Variants in SH3BP1 observed in about 807,000 individuals in gnomAD.
The protein encoded by SH3BP1 is SH3 domain binding protein 1, also known as SH3 domain-binding protein 1.
A neutral mutation model predicts 69.8 loss-of-function variants in SH3BP1; 46 were observed. The ratio of observed to expected loss-of-function variants is 0.66; its 90% confidence interval spans 0.52 to 0.84. The LOEUF (loss-of-function observed/expected upper bound fraction) is 0.84. Ranked by LOEUF, SH3BP1 falls within the 40% of genes least tolerant of loss-of-function variation. The pLI, the probability that SH3BP1 is intolerant of heterozygous loss-of-function variation, is 0.00. For missense variants in SH3BP1, 868 were observed against 930.9 expected (o/e 0.93, Z 0.88); for synonymous variants, 403 against 378.0 (o/e 1.07, Z -0.77).
Position 37,650,610 on chromosome 22 carries a change from G to A in SH3BP1, c.1483G>A (p.Ala495Thr), listed in dbSNP as rs1932859381. The change falls in exon 16 of 18, where the codon GCC becomes ACC. Residue 495 changes from alanine to threonine, a missense_variant. Ala to Thr is a moderately conservative substitution (Grantham distance 58). This residue lies in a region of SH3BP1 where 474 missense variants were observed against 462.3 expected (regional missense o/e 1.03). Coordinates refer to ENST00000649765, the MANE Select transcript of SH3BP1 (RefSeq NM_018957.6). The stretch of plus-strand genomic sequence containing the variant: ...CCAGGACACAGTCAGTGACAGGCTG[G>A]CCTCTGAGGAACTTCCGTCCACTGC... ...TLQDTVSDRLASEELPSTAVP... is the reference protein window; with the variant it reads ...TLQDTVSDRLTSEELPSTAVP... 6.2e-7 allele frequency: 1 copy of A among 1,613,882 alleles called. No homozygotes were observed. The highest frequency in any genetic ancestry group is 1.3e-5 in the African/African-American group (1 of 74,928).
chr22:37,643,478 A>G lies in SH3BP1; in HGVS notation c.474-166A>G, dbSNP rs542810726. 3.5e-3 allele frequency: 3,390 copies of G among 965,590 alleles called. 15 individuals carry two copies. Among genetic ancestry groups the G allele is most frequent in the Non-Finnish European group, 4.4e-3 (2,898 of 652,866 alleles). The allele number at this position is 965,590 out of a possible 1,614,324, so 59.8% of individuals were successfully genotyped here. On this transcript the variant is annotated intron_variant, in intron 6 of 17. Coordinates refer to ENST00000649765, the MANE Select transcript of SH3BP1 (RefSeq NM_018957.6). ...TCACCAAATCTGCCACCAGGGGGCA[A>G]CCCAGAGCACTCATGGCCCAGCCTG...
intron 14 of SH3BP1, chr22:37,649,851 T>G: frequency 2.0e-6 from 1 of 502,720 alleles, no homozygotes; most frequent in South Asian, 2.0e-5. Context: ...CATCATTATT[T>G]ACCTGGCCAC....
At chr22:37,645,591 G>A (rs1166722735) in intron 10 of SH3BP1, 81 bp downstream of exon 10, 2 of 1,495,900 alleles carry the variant, frequency 1.3e-6, no homozygotes, top group South Asian at 2.5e-5. Flanking sequence ...GCCCTTTCCG[G>A]GTGCCTGTAA....
chr22:37,645,154 G>A (rs1198053652), intron 9 of SH3BP1, 194 bp downstream of exon 9: 2 of 823,714 alleles, frequency 2.4e-6, no homozygotes, highest in Non-Finnish European at 3.8e-6. Flanking sequence ...CTAGAGCCAG[G>A]CCTGTGAGGC....
intron 6 of SH3BP1, 67 bp downstream of exon 6, chr22:37,643,241 G>A: frequency 1.4e-6 from 2 of 1,395,194 alleles, no homozygotes; most frequent in African/African-American, 1.4e-5. Flanking sequence ...ATAGAGCTTT[G>A]AGGCCCTGGC....
intron 14 of SH3BP1, chr22:37,649,815 G>A (rs1932844953): frequency 7.8e-6 from 3 of 382,524 alleles, no homozygotes; most frequent in Non-Finnish European, 9.9e-6. Context: ...AAATTAAAGT[G>A]TAAAGTGCAG....
Position 37,650,245 on chromosome 22 carries a change from T to C in SH3BP1, c.1410T>C (p.Pro470=). Residue 470 remains proline (P), a synonymous_variant, in exon 15 of 18, where the codon CCT becomes CCC. Transcript: ENST00000649765. ...TCCAGAGCGCAGACACCCTCTTCCC[T>C]GGAGGTGAAGCTCCTGCCTGCATGG... The part of the protein sequence containing the change: ...ALIQSADTLF[P]GDINFNVSGL... The C allele has an allele frequency of 6.2e-7, 1 of 1,606,062 alleles. No individual in the cohort carries two copies. The highest frequency in any genetic ancestry group is 1.7e-5 in the Admixed American group (1 of 58,732).
chr22:37,649,378 C>T (rs1601587510), intron 14 of SH3BP1, among the ~76,000 whole-genome samples: 1 of 152,182 alleles, frequency 6.6e-6, no homozygotes, highest in Middle Eastern at 3.4e-3. Flanking sequence ...CTCAGCTACT[C>T]AGAAGGCTGA....
At chr22:37,650,031 G>A in intron 14 of SH3BP1, 121 bp from the exon 15 acceptor site, 1 of 1,095,160 alleles carries the variant, frequency 9.1e-7, no homozygotes, top group Non-Finnish European at 1.4e-6. Flanking sequence ...GTGGTTTGTG[G>A]GCTTTTTGAG....
At position 37,650,687 on chromosome 22, in the gene SH3BP1, T is replaced by TA; in HGVS notation, c.1560_1561insA (p.Pro521ThrfsTer17). On this transcript the variant is annotated frameshift_variant, in exon 16 of 18. Transcript: ENST00000649765. LOFTEE classifies it high-confidence loss of function. ...CTCCGGCTCCGGCTCCAGCTCCAGC[T>TA]CCGGCCCCAGCCTTGGCTTCAGCAG... The TA allele has an allele frequency of 6.2e-7, 1 of 1,613,310 alleles. No homozygotes were observed. The highest frequency in any genetic ancestry group is 8.5e-7 in the Non-Finnish European group (1 of 1,179,676).
chr22:37,644,085 G>A (rs1932720773), intron 7 of SH3BP1, among the ~76,000 whole-genome samples: 1 of 152,196 alleles, frequency 6.6e-6, no homozygotes, highest in Admixed American at 6.5e-5. Flanking sequence ...GTGAATAACA[G>A]GTCACTGTGC....
intron 15 of SH3BP1, 30 bp from the exon 16 acceptor site, chr22:37,650,512 G>C (rs1339568232): frequency 1.3e-6 from 2 of 1,587,806 alleles, no homozygotes; most frequent in Non-Finnish European, 1.7e-6. Flanking sequence ...CGCGGTCTCT[G>C]AGAGCCGTCT....
chr22:37,645,220 C>T (rs113198841), intron 9 of SH3BP1, 145 bp from the exon 10 acceptor site: 84,980 of 1,150,288 alleles, frequency 0.074, 3,537 homozygotes, highest in South Asian at 0.12. Flanking sequence ...CGGGCTGATT[C>T]GAGAGATGTG....
intron 14 of SH3BP1, 46 bp downstream of exon 14, chr22:37,648,481 C>G: frequency 7.8e-7 from 1 of 1,283,058 alleles, no homozygotes; most frequent in Non-Finnish European, 1.1e-6. Flanking sequence ...AAGGCAGATC[C>G]CATCCCAACT....
At chr22:37,640,844 G>A (rs1569004372) in intron 1 of SH3BP1, 4 of 496,234 alleles carry the variant, frequency 8.1e-6, no homozygotes, top group Admixed American at 3.8e-5. Context: ...CTGGGCCCCG[G>A]GTGGGTCTCT....
chr22:37,653,787 C>T lies in SH3BP1; in HGVS notation c.1607C>T (p.Ser536Phe). The change falls in exon 17 of 18, where the codon TCT (serine) becomes TTT (phenylalanine). Residue 536 changes from serine to phenylalanine, a missense_variant. Physicochemically the swap from Ser to Phe is radical, Grantham distance 155 (BLOSUM62 -2). Transcript: ENST00000649765. ...TCTCCTTCCCTCTGCAGGACAGAGT[C>T]TGAGGTGCCTCCCAGACCAGCCTCC... ...ASAATKERTE[S>F]EVPPRPASPK... 1.2e-6 allele frequency: 2 copies of T among 1,612,914 alleles called. No individual in the cohort carries two copies. Among genetic ancestry groups the T allele is most frequent in the Non-Finnish European group, 8.5e-7 (1 of 1,179,220 alleles).
intron 1 of SH3BP1, chr22:37,640,551 G>A (rs1932547856): frequency 6.5e-6 from 1 of 153,940 alleles, no homozygotes; most frequent in Non-Finnish European, 1.4e-5. Flanking sequence ...GGAGGGGACT[G>A]GGTGTCCAGA....
intron 3 of SH3BP1, 87 bp from the exon 4 acceptor site, chr22:37,642,452 C>T: frequency 7.1e-7 from 1 of 1,399,208 alleles, no homozygotes; most frequent in Non-Finnish European, 1.0e-6. Flanking sequence ...TGGGTTCCCT[C>T]CTCCCCTGCC....
chr22:37,648,009 A>G (rs1046494066), intron 13 of SH3BP1, among the ~76,000 whole-genome samples: 43 of 152,234 alleles, frequency 2.8e-4, no homozygotes, highest in African/African-American at 9.4e-4. Context: ...GAAGCATTGA[A>G]ATAAATGAGA....
Sources: allele counts gnomAD v4.1 joint callset (sites outside exome capture counted in the v4.1 genomes callset), GRCh38; gene constraint gnomAD v4.1.1; regional missense constraint gnomAD v4.1.1; transcripts MANE v1.5; gene names NCBI Gene and HGNC (gene_info 2026-07-23, HGNC 2026-07-21).